ANGPT2: variants seen among roughly 807,000 people sequenced by gnomAD.
ANGPT2 encodes the protein angiopoietin 2.
ANGPT2 carries 28 observed loss-of-function variants against 62.9 expected under a neutral mutation model. That is an observed-to-expected ratio of 0.44 (90% CI 0.33 to 0.61). The LOEUF (loss-of-function observed/expected upper bound fraction) is 0.61. Ranked by LOEUF, ANGPT2 falls within the 20% of genes least tolerant of loss-of-function variation. The pLI, the probability that ANGPT2 is intolerant of heterozygous loss-of-function variation, is 0.03. For missense variants in ANGPT2, 727 were observed against 594.9 expected (o/e 1.22, Z -2.31); for synonymous variants, 284 against 207.8 (o/e 1.37, Z -3.15).
At chr8:6,540,594 G>C (rs1463735203) in intron 1 of ANGPT2, among the ~76,000 whole-genome samples, 1 of 152,210 alleles carries the variant, frequency 6.6e-6, no homozygotes, top group East Asian at 1.9e-4. Context: ...GACGTTGTCA[G>C]GCCACGTCTG....
In ANGPT2 at chr8:6,513,861, T is replaced by G; in HGVS notation, c.1030-17A>C. ...ACCAAATCCCTGTAATGCAAGTTGTTAAATTCAATTATTTCATGTAATTTT... is the reference window on the plus strand; with the variant it reads ...ACCAAATCCCTGTAATGCAAGTTGTGAAATTCAATTATTTCATGTAATTTT... On this transcript the variant is annotated splice_polypyrimidine_tract_variant and intron_variant, in intron 6 of 8. Coordinates refer to ENST00000629816, the MANE Select transcript of ANGPT2 (RefSeq NM_001118887.2). 6.3e-7 allele frequency: 1 copy of G among 1,589,014 alleles called. No individual in the cohort carries two copies. Among genetic ancestry groups the G allele is most frequent in the Non-Finnish European group, 8.6e-7 (1 of 1,168,486 alleles).
At chr8:6,518,748 ATATG>A (rs1385871733) in intron 5 of ANGPT2, among the ~76,000 whole-genome samples, 2 of 152,200 alleles carry the variant, frequency 1.3e-5, no homozygotes, top group African/African-American at 4.8e-5. Flanking sequence ...TGTTGGTTCA[ATATG>A]TAGCTGCTTT....
chr8:6,536,035 C>A (rs1198089458), intron 1 of ANGPT2, among the ~76,000 whole-genome samples: 1 of 151,618 alleles, frequency 6.6e-6, no homozygotes, highest in Admixed American at 6.6e-5. Flanking sequence ...GCAGCTTGGG[C>A]GACAGAGTGA....
chr8:6,532,670 T>C (rs1346832080), intron 1 of ANGPT2, among the ~76,000 whole-genome samples, 183 bp from the exon 2 acceptor site: 3 of 152,098 alleles, frequency 2.0e-5, no homozygotes, highest in Non-Finnish European at 2.9e-5. Flanking sequence ...TACAGTGTGA[T>C]TTTATTTTTA....
intron 4 of ANGPT2, among the ~76,000 whole-genome samples, chr8:6,520,196 G>C (rs1172500646): frequency 6.6e-6 from 1 of 151,972 alleles, no homozygotes; most frequent in Admixed American, 6.6e-5. Flanking sequence ...CTTACTTTTT[G>C]GTCATTAATT....
chr8:6,522,997 T>C (rs73199051), intron 3 of ANGPT2, among the ~76,000 whole-genome samples: 11,389 of 145,084 alleles, frequency 0.078, 509 homozygotes, highest in African/African-American at 0.13. Context: ...CCTTGAAAAG[T>C]TTTTTTTTTT....
Position 6,521,376 on chromosome 8 carries a change from T to C in ANGPT2, c.601A>G (p.Lys201Glu). The C allele has an allele frequency of 1.2e-6, 2 of 1,613,462 alleles. No individual in the cohort carries two copies. Among genetic ancestry groups the C allele is most frequent in the South Asian group, 2.2e-5 (2 of 91,058 alleles). ...ATTGACTGTAGTTGGATGATGTGCT[T>C]GTCTTCCATAGCTAGCACCTTCTTT... ...LEKKVLAMED[K>E]HIIQLQSIKE... Residue 201 changes from lysine to glutamate, a missense_variant, in exon 4 of 9, where the codon AAG (lysine) becomes GAG (glutamate). By Grantham distance (56) the Lys-to-Glu change is moderately conservative. Transcript: ENST00000629816.
chr8:6,519,405 C>G (rs1197185227), intron 5 of ANGPT2, among the ~76,000 whole-genome samples: 1 of 152,082 alleles, frequency 6.6e-6, no homozygotes. Flanking sequence ...TATGCAGTCA[C>G]ACACAAAAAA....
intron 1 of ANGPT2, among the ~76,000 whole-genome samples, chr8:6,538,429 A>G (rs1586476547): frequency 1.3e-5 from 2 of 152,306 alleles, no homozygotes; most frequent in East Asian, 3.9e-4. Context: ...TGGTGACCGC[A>G]GCTCACTTTC....
chr8:6,557,701 A>G (rs1466300121), intron 1 of ANGPT2, among the ~76,000 whole-genome samples: 1 of 151,604 alleles, frequency 6.6e-6, no homozygotes, highest in African/African-American at 2.4e-5. Context: ...ACACACACAC[A>G]CACACACACA....
chr8:6,502,928 A>C lies in ANGPT2; in HGVS notation c.*173T>G, dbSNP rs1273161826. The C allele has an allele frequency of 2.9e-6, 2 of 692,514 alleles. No individual in the cohort carries two copies. Among genetic ancestry groups the C allele is most frequent in the Non-Finnish European group, 4.8e-6 (2 of 420,004 alleles). The allele number at this position is 692,514 out of a possible 1,614,324, so 42.9% of individuals were successfully genotyped here. On this transcript the variant is annotated 3_prime_UTR_variant, in exon 9 of 9. Transcript: ENST00000629816. The stretch of plus-strand genomic sequence containing the variant: ...CTTGCTTTGGTCCGTTAAGTGATGC[A>C]AGTTTAAGTGATAAAGTTTACAGGC...
At chr8:6,519,283 C>T (rs988979323) in intron 5 of ANGPT2, among the ~76,000 whole-genome samples, 4 of 152,098 alleles carry the variant, frequency 2.6e-5, no homozygotes, top group East Asian at 3.9e-4. Context: ...AAGACACCAC[C>T]GGTCTGTGGC....
intron 1 of ANGPT2, among the ~76,000 whole-genome samples, chr8:6,534,557 G>A (rs1820160280): frequency 6.6e-6 from 1 of 152,170 alleles, no homozygotes; most frequent in Non-Finnish European, 1.5e-5. Context: ...GCGTGAGCCA[G>A]CACATCTGGC....
At chr8:6,522,616 A>T (rs948549577) in intron 3 of ANGPT2, among the ~76,000 whole-genome samples, 2 of 151,568 alleles carry the variant, frequency 1.3e-5, no homozygotes, top group African/African-American at 4.8e-5. Flanking sequence ...TCTACTAAAA[A>T]TACAAAAATT....
At chr8:6,541,337 G>A (rs1174715034) in intron 1 of ANGPT2, among the ~76,000 whole-genome samples, 2 of 152,184 alleles carry the variant, frequency 1.3e-5, no homozygotes, top group African/African-American at 4.8e-5. Flanking sequence ...GCTAAAGACA[G>A]GCTAGTGGGT....
chr8:6,533,213 A>G (rs1310367108), intron 1 of ANGPT2, among the ~76,000 whole-genome samples: 2 of 152,248 alleles, frequency 1.3e-5, no homozygotes, highest in African/African-American at 2.4e-5. Context: ...CTCAGTTACT[A>G]AAGATGATGA....
intron 8 of ANGPT2, among the ~76,000 whole-genome samples, chr8:6,506,644 G>T (rs2129565007): frequency 6.6e-6 from 1 of 152,168 alleles, no homozygotes; most frequent in South Asian, 2.1e-4. Context: ...GGATGATTGT[G>T]CCAGGATGAA....
At chr8:6,552,400 T>A (rs189131153) in intron 1 of ANGPT2, among the ~76,000 whole-genome samples, 16 of 152,340 alleles carry the variant, frequency 1.1e-4, no homozygotes, top group Non-Finnish European at 1.3e-4. Flanking sequence ...ACAGACATTT[T>A]ACACACACAC....
chr8:6,550,486 C>T (rs1334981830), intron 1 of ANGPT2, among the ~76,000 whole-genome samples: 1 of 152,196 alleles, frequency 6.6e-6, no homozygotes, highest in Non-Finnish European at 1.5e-5. Flanking sequence ...CGGGGTGAAG[C>T]GGAAACAAGG....
Sources: allele counts gnomAD v4.1 joint callset (sites outside exome capture counted in the v4.1 genomes callset), GRCh38; gene constraint gnomAD v4.1.1; transcripts MANE v1.5; gene names NCBI Gene and HGNC (gene_info 2026-07-23, HGNC 2026-07-21).